The following NTN1 variants were observed in gnomAD, a reference collection of about 807,000 sequenced individuals.
NTN1 encodes netrin-1.
A neutral mutation model predicts 54.2 loss-of-function variants in NTN1; 11 were observed. The ratio of observed to expected loss-of-function variants is 0.20; its 90% confidence interval spans 0.13 to 0.34. The LOEUF (loss-of-function observed/expected upper bound fraction) is 0.34, where lower values mean the gene tolerates loss of function less well. Among genes scored for constraint, NTN1 ranks in the 10% least tolerant of loss-of-function variants. The pLI, the probability that NTN1 is intolerant of heterozygous loss-of-function variation, is 1.00. For missense variants in NTN1, 740 were observed against 893.1 expected (o/e 0.83, Z 2.18); for synonymous variants, 371 against 382.0 (o/e 0.97, Z 0.33).
intron 6 of NTN1, among the ~76,000 whole-genome samples, chr17:9,235,426 C>T (rs939941448): frequency 6.6e-6 from 1 of 152,066 alleles, no homozygotes; most frequent in Non-Finnish European, 1.5e-5. Flanking sequence ...ACTTTTAGGA[C>T]ATCAATGCAG....
intron 2 of NTN1, among the ~76,000 whole-genome samples, chr17:9,031,268 C>T (rs2091887576): frequency 6.6e-6 from 1 of 152,116 alleles, no homozygotes; most frequent in African/African-American, 2.4e-5. Flanking sequence ...TATTTGAAGT[C>T]CCCAAGTGAG....
chr17:9,021,189 G>T (rs894563762), upstream of NTN1, among the ~76,000 whole-genome samples: 2 of 150,270 alleles, frequency 1.3e-5, no homozygotes, highest in African/African-American at 4.9e-5. Context: ...TCTCCGGGCG[G>T]CGCGGGGCGC....
intron 2 of NTN1, among the ~76,000 whole-genome samples, chr17:9,054,392 C>T (rs920822216): frequency 6.6e-5 from 10 of 152,178 alleles, no homozygotes; most frequent in Admixed American, 2.6e-4. Flanking sequence ...ACCTGCCTCA[C>T]GGGGAAATTG....
intron 6 of NTN1, among the ~76,000 whole-genome samples, chr17:9,238,280 CCTGTG>C (rs1277478769): frequency 3.9e-5 from 6 of 152,148 alleles, no homozygotes; most frequent in Admixed American, 3.3e-4. Flanking sequence ...ACAGAGCTTG[CCTGTG>C]TGTTGGTTTC....
At chr17:9,220,529 C>G (rs1383810792) in intron 5 of NTN1, among the ~76,000 whole-genome samples, 2 of 152,110 alleles carry the variant, frequency 1.3e-5, no homozygotes, top group Non-Finnish European at 2.9e-5. Flanking sequence ...CTGCTTGGCT[C>G]TCGGTTGGGC....
chr17:9,061,699 ATTTTGTTTTG>A (rs879370303), intron 2 of NTN1, among the ~76,000 whole-genome samples: 3 of 150,960 alleles, frequency 2.0e-5, no homozygotes, highest in Admixed American at 1.3e-4. Flanking sequence ...TTTTTGTTTT[ATTTTGTTTTG>A]TTTTGTTTTT....
intron 5 of NTN1, among the ~76,000 whole-genome samples, chr17:9,199,213 G>A (rs953801377): frequency 1.3e-5 from 2 of 152,158 alleles, no homozygotes; most frequent in Admixed American, 1.3e-4. Flanking sequence ...CACAATCTCG[G>A]CTCATTGCAA....
chr17:9,163,477 AACACACACACACACACAC>A (rs55765967), intron 3 of NTN1, among the ~76,000 whole-genome samples: 2 of 142,792 alleles, frequency 1.4e-5, no homozygotes, highest in South Asian at 2.3e-4. Flanking sequence ...TCCCCCCCGA[AACACACACACACACACAC>A]ACACACACAC....
chr17:9,008,562 A>G, the NTN1 span, among the ~76,000 whole-genome samples: 1 of 152,094 alleles, frequency 6.6e-6, no homozygotes, highest in African/African-American at 2.4e-5. Context: ...ACCTCAAATG[A>G]TTGGCCCACC....
intron 2 of NTN1, among the ~76,000 whole-genome samples, chr17:9,051,598 T>C (rs1239239921): frequency 6.6e-6 from 1 of 152,232 alleles, no homozygotes; most frequent in Non-Finnish European, 1.5e-5. Context: ...ATATGTAACA[T>C]GAAGTTTTGC....
chr17:9,049,246 T>C (rs534760351), intron 2 of NTN1, among the ~76,000 whole-genome samples: 1 of 152,306 alleles, frequency 6.6e-6, no homozygotes, highest in South Asian at 2.1e-4. Context: ...GGGGTAAAAA[T>C]ATGATGAAAA....
At chr17:9,061,750 C>T (rs2091999332) in intron 2 of NTN1, among the ~76,000 whole-genome samples, 1 of 152,042 alleles carries the variant, frequency 6.6e-6, no homozygotes, top group African/African-American at 2.4e-5. Flanking sequence ...GTCGCCCAGA[C>T]CAGAGTCCAG....
chr17:9,225,045 G>A (rs192726032), intron 6 of NTN1, among the ~76,000 whole-genome samples: 1 of 152,224 alleles, frequency 6.6e-6, no homozygotes, highest in African/African-American at 2.4e-5. Flanking sequence ...GGCGGATCAC[G>A]AGGTCAGGAG....
intron 2 of NTN1, among the ~76,000 whole-genome samples, chr17:9,115,065 CG>C (rs143954448): frequency 0.096 from 14,638 of 152,172 alleles, 816 homozygotes; most frequent in Non-Finnish European, 0.13. Context: ...GGCGCCAGGC[CG>C]GGGGTGCAGT....
At chr17:9,202,077 A>C (rs1337119290) in intron 5 of NTN1, among the ~76,000 whole-genome samples, 17 of 139,480 alleles carry the variant, frequency 1.2e-4, no homozygotes, top group Admixed American at 2.2e-4. Flanking sequence ...AAAAAAAAAA[A>C]AAAAAAAAAA....
At chr17:9,201,575 C>T (rs1430562597) in intron 5 of NTN1, among the ~76,000 whole-genome samples, 2 of 152,234 alleles carry the variant, frequency 1.3e-5, no homozygotes, top group Non-Finnish European at 2.9e-5. Flanking sequence ...TGGTGCCTCT[C>T]ACACATATGG....
At chr17:9,226,518 G>GGGGAGGCTGTCTCGTGGGGAGGCT (rs1905567221) in intron 6 of NTN1, among the ~76,000 whole-genome samples, 1 of 55,188 alleles carries the variant, frequency 1.8e-5, no homozygotes, top group Non-Finnish European at 2.9e-5. Flanking sequence ...GTGGGGAGGT[G>GGGGAGGCTGTCTCGTGGGGAGGCT]GTCTCGTGGG....
At chr17:9,227,330 CAG>C (rs1236315515) in intron 6 of NTN1, among the ~76,000 whole-genome samples, 6 of 149,110 alleles carry the variant, frequency 4.0e-5, no homozygotes, top group South Asian at 2.1e-4. Context: ...ACATCAAACA[CAG>C]ATACACAGAC....
chr17:9,133,221 C>T (rs111800428), intron 2 of NTN1, among the ~76,000 whole-genome samples: 2 of 152,336 alleles, frequency 1.3e-5, no homozygotes, highest in African/African-American at 4.8e-5. Context: ...GATGCCACCA[C>T]CGCCTTGGTC....
Sources: gnomAD v4.1 joint callset for allele counts (sites outside exome capture counted in the v4.1 genomes callset) on GRCh38, gnomAD v4.1.1 for gene constraint, MANE v1.5 for transcripts, NCBI Gene and HGNC (gene_info 2026-07-23, HGNC 2026-07-21) for gene names.